Variants in FOXK2 observed in about 807,000 individuals in gnomAD.
FOXK2 encodes the protein forkhead box K2, also known as forkhead box protein K2.
A neutral mutation model predicts 53.3 loss-of-function variants in FOXK2; 24 were observed. The ratio of observed to expected loss-of-function variants is 0.45; its 90% CI spans 0.33 to 0.63. The LOEUF (loss-of-function observed/expected upper bound fraction) is 0.63, where lower values mean the gene tolerates loss of function less well. Among genes scored for constraint, FOXK2 ranks in the 30% least tolerant of loss-of-function variants. FOXK2 has a pLI of 0.03. For missense variants in FOXK2, 952 were observed against 910.5 expected (o/e 1.05, Z -0.59); for synonymous variants, 505 against 407.1 (o/e 1.24, Z -2.89).
At chr17:82,567,099 T>C (rs1422703099) in intron 2 of FOXK2, among the ~76,000 whole-genome samples, 1 of 152,062 alleles carries the variant, frequency 6.6e-6, no homozygotes, top group Non-Finnish European at 1.5e-5. Flanking sequence ...TGTGTTGCCC[T>C]TTCCCTCCTC....
At chr17:82,559,085 G>A (rs35495358) in intron 1 of FOXK2, among the ~76,000 whole-genome samples, 13,473 of 152,118 alleles carry the variant, frequency 0.089, 781 homozygotes, top group Admixed American at 0.13. Flanking sequence ...GTAGCAATGG[G>A]GTTTCACCGT....
intron 8 of FOXK2, 73 bp from the exon 9 acceptor site, chr17:82,601,230 T>G: frequency 1.8e-5 from 27 of 1,490,378 alleles, no homozygotes; most frequent in Non-Finnish European, 2.4e-5. Flanking sequence ...AGGGTTCACG[T>G]GAGAGCGTGG....
rs557747375 is a variant in FOXK2 at position 82,546,944 on chromosome 17, G to A, written c.420-16410G>A. On this transcript the variant is annotated intron_variant, in intron 1 of 8. Coordinates refer to ENST00000335255, the MANE Select transcript of FOXK2 (RefSeq NM_004514.4). ...ATACCAAAATTAGTCGGGCGTGGTG[G>A]TGGGTGCCTGTAGTCCCAGCTACTC... Among the ~76,000 whole-genome samples the A allele has an allele frequency of 2.0e-5, 3 of 152,054 alleles. No homozygotes were observed. In the South Asian group the frequency reaches 6.2e-4, roughly 32 times the overall value.
chr17:82,576,832 C>G, intron 4 of FOXK2: 2 of 558,542 alleles, frequency 3.6e-6, no homozygotes, highest in Non-Finnish European at 6.4e-6. Context: ...AAATCCGCTC[C>G]AGCAGCTGTT....
At chr17:82,593,084 A>G (rs2045269671) in intron 8 of FOXK2, among the ~76,000 whole-genome samples, 1 of 137,204 alleles carries the variant, frequency 7.3e-6, no homozygotes, top group Admixed American at 7.4e-5. Context: ...GACCCAGTGA[A>G]GGTCTCCCTG....
intron 2 of FOXK2, among the ~76,000 whole-genome samples, chr17:82,566,255 T>A (rs1331365134): frequency 6.6e-6 from 1 of 150,574 alleles, no homozygotes; most frequent in Non-Finnish European, 1.5e-5. Flanking sequence ...AAAAAAAAAA[T>A]AGGCCCCCTG....
At chr17:82,589,545 G>A (rs1279234532) in intron 8 of FOXK2, among the ~76,000 whole-genome samples, 6 of 152,176 alleles carry the variant, frequency 3.9e-5, no homozygotes, top group Non-Finnish European at 8.8e-5. Context: ...CACCTGATTC[G>A]TTCTGTATTC....
chr17:82,576,492 T>G (rs2044987813), intron 4 of FOXK2: 1 of 553,190 alleles, frequency 1.8e-6, no homozygotes, highest in Non-Finnish European at 3.1e-6. Flanking sequence ...ATACTTAACA[T>G]AAATGAAGAA....
chr17:82,524,166 AG>A (rs1247161978), intron 1 of FOXK2, among the ~76,000 whole-genome samples: 1 of 152,212 alleles, frequency 6.6e-6, no homozygotes. Flanking sequence ...CTGGGATTAT[AG>A]GTGTGAGCCA....
At chr17:82,564,901 T>C (rs2144117800) in intron 2 of FOXK2, among the ~76,000 whole-genome samples, 1 of 152,190 alleles carries the variant, frequency 6.6e-6, no homozygotes, top group South Asian at 2.1e-4. Flanking sequence ...CGGCTAATTT[T>C]GTATTTTTAG....
chr17:82,563,645 G>C (rs1395043370), intron 2 of FOXK2, 97 bp downstream of exon 2: 4 of 1,032,454 alleles, frequency 3.9e-6, no homozygotes, highest in Non-Finnish European at 4.1e-6. Flanking sequence ...TATGTGGAGA[G>C]AGAGAATGTG....
At chr17:82,558,234 A>C (rs1213369420) in intron 1 of FOXK2, among the ~76,000 whole-genome samples, 1 of 151,940 alleles carries the variant, frequency 6.6e-6, no homozygotes, top group Non-Finnish European at 1.5e-5. Flanking sequence ...TAGCTGCTCG[A>C]GGCTGAGACA....
intron 1 of FOXK2, among the ~76,000 whole-genome samples, chr17:82,545,905 C>T (rs989299668): frequency 1.3e-5 from 2 of 152,024 alleles, no homozygotes; most frequent in African/African-American, 2.4e-5. Context: ...TTCTTACCAA[C>T]ATGTTGGAAA....
At position 82,520,008 on chromosome 17, in the gene FOXK2, G is replaced by A. The variant is rs539383492; in HGVS notation, c.120G>A (p.Leu40=). Reference sequence around the variant, plus strand: ...CGGGCGGCTGGGCCGTGGCGCGCCTGGAGGGCCGCGAGTTCGAGTATCTGA... The same window carrying A: ...CGGGCGGCTGGGCCGTGGCGCGCCTAGAGGGCCGCGAGTTCGAGTATCTGA... ...SPPGGWAVAR[L]EGREFEYLMK... is the part of the protein sequence containing the mutation. Residue 40 remains leucine, a synonymous_variant, in exon 1 of 9, where the codon CTG becomes CTA. Transcript: ENST00000335255. 8.2e-6 allele frequency: 12 copies of A among 1,465,670 alleles called. No homozygotes were observed. Among genetic ancestry groups the A allele is most frequent in the African/African-American group, 1.5e-5 (1 of 68,664 alleles). 90.8% of individuals were successfully genotyped at this position (1,465,670 alleles called of 1,614,324 possible).
intron 1 of FOXK2, among the ~76,000 whole-genome samples, chr17:82,528,454 T>G (rs1317842340): frequency 6.6e-6 from 1 of 152,186 alleles, no homozygotes; most frequent in East Asian, 1.9e-4. Flanking sequence ...TATGTTTGGT[T>G]TTTGGAGCAA....
At chr17:82,534,800 T>G (rs1403236272) in intron 1 of FOXK2, among the ~76,000 whole-genome samples, 1 of 152,246 alleles carries the variant, frequency 6.6e-6, no homozygotes, top group Non-Finnish European at 1.5e-5. Flanking sequence ...GGATCTTTTA[T>G]CTTGTTCTCT....
At chr17:82,547,585 CAT>C (rs1268169146) in intron 1 of FOXK2, among the ~76,000 whole-genome samples, 1 of 152,148 alleles carries the variant, frequency 6.6e-6, no homozygotes, top group Non-Finnish European at 1.5e-5. Context: ...ATAATTTATA[CAT>C]ATATTAATAT....
At chr17:82,520,458 G>A in intron 1 of FOXK2, 151 bp downstream of exon 1, 1 of 655,602 alleles carries the variant, frequency 1.5e-6, no homozygotes, top group Non-Finnish European at 2.1e-6. Flanking sequence ...GGCCCCGGCT[G>A]GATCCCAACC....
chr17:82,601,156 C>A, intron 8 of FOXK2, 147 bp from the exon 9 acceptor site: 1 of 859,188 alleles, frequency 1.2e-6, no homozygotes, highest in Non-Finnish European at 1.8e-6. Context: ...CCTCCGCGGG[C>A]CTGGGAGTGG....
Sources: allele counts gnomAD v4.1 joint callset (sites outside exome capture counted in the v4.1 genomes callset), GRCh38; gene constraint gnomAD v4.1.1; transcripts MANE v1.5; gene names NCBI Gene and HGNC (gene_info 2026-07-23, HGNC 2026-07-21).